Variants in GLDC observed in about 807,000 individuals in gnomAD.
GLDC encodes glycine dehydrogenase (decarboxylating), mitochondrial.
In GLDC, 104 loss-of-function variants were observed where a neutral mutation model predicts 121.3. The ratio of observed to expected loss-of-function variants is 0.86; its 90% CI spans 0.73 to 1.01. The LOEUF is 1.01. Among genes scored for constraint, GLDC ranks in the 50% least tolerant of loss-of-function variants. GLDC has a pLI of 0.00. For synonymous variants in GLDC, 546 were observed against 480.6 expected, an observed-to-expected ratio of 1.14 and a Z score of -1.78; for missense variants, 1,429 against 1,306.6, an observed-to-expected ratio of 1.09 and a Z score of -1.44.
At chr9:6,608,429 A>T (rs994171182) in intron 4 of GLDC, among the ~76,000 whole-genome samples, 1 of 146,800 alleles carries the variant, frequency 6.8e-6, no homozygotes, top group African/African-American at 2.5e-5. Context: ...CTCAAAAAAA[A>T]CAAAATAATT....
At chr9:6,572,990 T>G (rs1227481971) in intron 15 of GLDC, among the ~76,000 whole-genome samples, 5 of 152,198 alleles carry the variant, frequency 3.3e-5, no homozygotes, top group South Asian at 2.1e-4. Context: ...ATATCAAAGT[T>G]GTTTTTTATT....
intron 9 of GLDC, among the ~76,000 whole-genome samples, chr9:6,594,109 G>C (rs932438778): frequency 9.9e-5 from 15 of 152,062 alleles, no homozygotes; most frequent in African/African-American, 3.4e-4. Context: ...ACATACACGA[G>C]TAACCATGTC....
At chr9:6,556,909 T>C (rs1034946968) in intron 17 of GLDC, among the ~76,000 whole-genome samples, 5 of 152,206 alleles carry the variant, frequency 3.3e-5, no homozygotes, top group African/African-American at 1.2e-4. Context: ...GGCCCAACTC[T>C]CTAAGGTGGT....
chr9:6,557,916 G>C (rs943954399), intron 17 of GLDC: 1 of 164,684 alleles, frequency 6.1e-6, no homozygotes, highest in Non-Finnish European at 1.3e-5. Flanking sequence ...TCGAAGAGAG[G>C]TGCAGCATTG....
chr9:6,542,932 G>A (rs181068108), intron 21 of GLDC, among the ~76,000 whole-genome samples: 4 of 150,950 alleles, frequency 2.6e-5, no homozygotes, highest in African/African-American at 9.8e-5. Context: ...CCTATTCATG[G>A]GTAGGTAAAC....
chr9:6,603,228 A>T (rs2129889789), intron 7 of GLDC, among the ~76,000 whole-genome samples: 1 of 148,646 alleles, frequency 6.7e-6, no homozygotes, highest in East Asian at 1.9e-4. Flanking sequence ...ACTCCGTCTC[A>T]AAAAATAAAA....
In GLDC at chr9:6,619,145, GCAAAAAA is replaced by G. The variant is rs1400715584; in HGVS notation, c.470+1032_470+1038del. On this transcript the variant is annotated intron_variant, in intron 3 of 24. Transcript: ENST00000321612. ...GCAACAGAGTGAGACTCTGTCTCAG[GCAAAAAA>G]AAAAAAAAAAAAAAAAAAAAAAAAG... 1.1e-3 allele frequency among the ~76,000 whole-genome samples: 33 copies of G among 30,210 alleles called. 1 individual carries two copies. The highest frequency in any genetic ancestry group is 4.9e-3 in the African/African-American group (32 of 6,588). The allele number at this position is 30,210 out of a possible 152,430, so 19.8% of individuals were successfully genotyped here.
intron 14 of GLDC, among the ~76,000 whole-genome samples, chr9:6,587,754 A>G (rs1345447010): frequency 6.6e-6 from 1 of 152,252 alleles, no homozygotes; most frequent in Admixed American, 6.5e-5. Context: ...GCTTGAGGCC[A>G]GGAGTCTGAG....
chr9:6,570,725 G>A (rs752094244), intron 15 of GLDC, among the ~76,000 whole-genome samples: 5 of 151,880 alleles, frequency 3.3e-5, no homozygotes, highest in Non-Finnish European at 7.4e-5. Context: ...GTTGTGGCAG[G>A]TGCCTGTAAT....
Position 6,601,838 on chromosome 9 carries a change from C to T in GLDC, c.1155+271G>A, listed in dbSNP as rs536165359. On this transcript the variant is annotated intron_variant, in intron 8 of 24. Transcript: ENST00000321612. ...TAGAGATGGTGTTTCGCCATGTCGC[C>T]CAGGCAGGTTTCCAACTCCTGGGCT... 6.6e-5 allele frequency among the ~76,000 whole-genome samples: 10 copies of T among 152,166 alleles called. No individual in the cohort carries two copies. In the South Asian group the frequency reaches 2.1e-3, roughly 32 times the overall value.
intron 23 of GLDC, chr9:6,535,840 G>C (rs1055592184): frequency 2.8e-5 from 16 of 565,960 alleles, no homozygotes; most frequent in Admixed American, 5.7e-5. Context: ...TCTCCAACTA[G>C]ACAGCTGTGG....
chr9:6,602,862 ACCACAGATT>A (rs1401278806), intron 7 of GLDC, among the ~76,000 whole-genome samples: 1 of 152,160 alleles, frequency 6.6e-6, no homozygotes, highest in Non-Finnish European at 1.5e-5. Flanking sequence ...TGGATTCTAC[ACCACAGATT>A]CCACCAATCA....
chr9:6,601,295 G>C (rs1352260618), intron 8 of GLDC, among the ~76,000 whole-genome samples: 7 of 152,140 alleles, frequency 4.6e-5, no homozygotes, highest in Non-Finnish European at 2.9e-5. Flanking sequence ...CCCATTCCTG[G>C]AGAGGCTCCT....
chr9:6,611,543 A>C (rs527992586), intron 3 of GLDC, among the ~76,000 whole-genome samples: 1 of 135,022 alleles, frequency 7.4e-6, no homozygotes, highest in Non-Finnish European at 1.6e-5. Flanking sequence ...GCAACAGAGC[A>C]AGACTCCGTC....
intron 4 of GLDC, among the ~76,000 whole-genome samples, chr9:6,607,426 T>C (rs1271291461): frequency 6.6e-6 from 1 of 151,420 alleles, no homozygotes; most frequent in Non-Finnish European, 1.5e-5. Flanking sequence ...CTACTAAAAC[T>C]ACAAAACGTA....
chr9:6,604,505 C>G, intron 7 of GLDC, 83 bp downstream of exon 7: 1 of 1,275,578 alleles, frequency 7.8e-7, no homozygotes, highest in Non-Finnish European at 1.1e-6. Context: ...CAGTTGAATT[C>G]AGATAGAAAT....
intron 4 of GLDC, among the ~76,000 whole-genome samples, chr9:6,609,313 T>C (rs766912888): frequency 3.9e-5 from 6 of 152,140 alleles, no homozygotes; most frequent in African/African-American, 1.2e-4. Flanking sequence ...TTAATAACAG[T>C]AAGAGACGGA....
chr9:6,619,959 A>G (rs947164322), intron 3 of GLDC, among the ~76,000 whole-genome samples: 1 of 152,210 alleles, frequency 6.6e-6, no homozygotes, highest in African/African-American at 2.4e-5. Flanking sequence ...TTAGCATCCT[A>G]GTAGATTTTA....
At chr9:6,546,983 A>G (rs570004653) in intron 21 of GLDC, among the ~76,000 whole-genome samples, 4 of 152,026 alleles carry the variant, frequency 2.6e-5, no homozygotes, top group African/African-American at 7.2e-5. Flanking sequence ...TAATAATAAT[A>G]ATAATGATAA....
Sources: allele counts gnomAD v4.1 joint callset (sites outside exome capture counted in the v4.1 genomes callset), GRCh38; gene constraint gnomAD v4.1.1; transcripts MANE v1.5; gene names NCBI Gene and HGNC (gene_info 2026-07-23, HGNC 2026-07-21).